ABCA12: variants seen among roughly 807,000 people sequenced by gnomAD.
ABCA12 encodes glucosylceramide transporter ABCA12.
ABCA12 carries 156 observed loss-of-function variants against 293.5 expected under a neutral mutation model. That is an observed-to-expected ratio of 0.53 (90% CI 0.47 to 0.61). The LOEUF is 0.61. Ranked by LOEUF, ABCA12 falls within the 20% of genes least tolerant of loss-of-function variation. The pLI is 0.00. For synonymous variants in ABCA12, 1,063 were observed against 1,108.0 expected, an observed-to-expected ratio of 0.96 and a Z score of 0.81; for missense variants, 2,797 against 3,090.2, an observed-to-expected ratio of 0.91 and a Z score of 2.25.
At chr2:215,089,794 G>A (rs1702105069) in intron 2 of ABCA12, among the ~76,000 whole-genome samples, 1 of 152,154 alleles carries the variant, frequency 6.6e-6, no homozygotes, top group African/African-American at 2.4e-5. Flanking sequence ...AAGAACCATT[G>A]ATTTCCTTTT....
At chr2:214,944,830 C>CTA (rs937709839) in intron 49 of ABCA12, among the ~76,000 whole-genome samples, 171 bp downstream of exon 49, 7 of 151,032 alleles carry the variant, frequency 4.6e-5, no homozygotes, top group South Asian at 2.1e-4. Context: ...CATTCGTTGT[C>CTA]TATATATATA....
rs998370954 is a variant in ABCA12 at position 214,989,264 on chromosome 2, T to C, written c.3829+65A>G. Reference sequence around the variant, plus strand: ...TTTGCAAATAAAATATTAGAACATATTATTAGTTGATTTATATTGAAGTCA... The same window carrying C: ...TTTGCAAATAAAATATTAGAACATACTATTAGTTGATTTATATTGAAGTCA... On this transcript the variant is annotated intron_variant, in intron 26 of 52. Coordinates refer to ENST00000272895, the MANE Select transcript of ABCA12 (RefSeq NM_173076.3). 4.6e-5 allele frequency: 70 copies of C among 1,514,524 alleles called. No homozygotes were observed. The African/African-American group carries it at 9.4e-4, about 20-fold the overall frequency. The allele number at this position is 1,514,524 out of a possible 1,614,324, so 93.8% of individuals were successfully genotyped here.
rs555705093 is a variant in ABCA12 at position 214,970,239 on chromosome 2, A to G, written c.5690+34T>C. 5.1e-6 allele frequency: 8 copies of G among 1,582,806 alleles called. No homozygotes were observed. The African/African-American group carries it at 1.1e-4, about 21-fold the overall frequency. The stretch of plus-strand genomic sequence containing the variant: ...AAGGCAGCTACCATTAAAATTAGCA[A>G]GCAATTAAATATGTTATAAACAGAT... On this transcript the variant is annotated intron_variant, in intron 37 of 52. Coordinates refer to ENST00000272895, the MANE Select transcript of ABCA12 (RefSeq NM_173076.3).
intron 45 of ABCA12, among the ~76,000 whole-genome samples, chr2:214,949,908 C>T (rs1698700929): frequency 6.6e-6 from 1 of 152,142 alleles, no homozygotes; most frequent in South Asian, 2.1e-4. Context: ...CGGGAAGACT[C>T]ATAGGGTAAA....
At chr2:214,975,002 G>C (rs1333278200) in intron 34 of ABCA12, 138 bp from the exon 35 acceptor site, 16 of 776,502 alleles carry the variant, frequency 2.1e-5, no homozygotes, top group Non-Finnish European at 3.2e-5. Context: ...TTGCCGTGTT[G>C]CCCAGGCTGG....
At chr2:215,048,662 C>A (rs1367214026) in intron 6 of ABCA12, among the ~76,000 whole-genome samples, 1 of 152,128 alleles carries the variant, frequency 6.6e-6, no homozygotes, top group Non-Finnish European at 1.5e-5. Flanking sequence ...GAGATAGCAC[C>A]TTTGCCCTCC....
intron 8 of ABCA12, among the ~76,000 whole-genome samples, chr2:215,034,210 C>T (rs1575000068): frequency 6.6e-6 from 1 of 152,134 alleles, no homozygotes; most frequent in South Asian, 2.1e-4. Flanking sequence ...AACTGTGTAG[C>T]AAGGATCCTA....
At position 215,052,384 on chromosome 2, in the gene ABCA12, T is replaced by A. The variant is rs1007173160; in HGVS notation, c.507+103A>T. 4.2e-6 allele frequency: 4 copies of A among 963,082 alleles called. No homozygotes were observed. In the Admixed American group the frequency reaches 7.6e-5, roughly 18 times the overall value. 59.7% of individuals were successfully genotyped at this position (963,082 alleles called of 1,614,324 possible). On this transcript the variant is annotated intron_variant, in intron 5 of 52. Transcript: ENST00000272895. ...AAGTTGCCTGAGATATTACCCTAAA[T>A]AGGAAAGGTGCTCCAAACATCTTGC...
intron 4 of ABCA12, among the ~76,000 whole-genome samples, chr2:215,053,075 T>C (rs1445962358): frequency 6.6e-6 from 1 of 152,136 alleles, no homozygotes; most frequent in East Asian, 1.9e-4. Flanking sequence ...AAGTGGTTTC[T>C]GAATGATATT....
At chr2:215,097,962 T>C (rs113159000) in intron 2 of ABCA12, among the ~76,000 whole-genome samples, 4,994 of 152,260 alleles carry the variant, frequency 0.033, 138 homozygotes, top group African/African-American at 0.075. Flanking sequence ...TAATTTTTTT[T>C]CCCTGATTTT....
At chr2:214,971,087 C>G (rs1468494175) in intron 36 of ABCA12, among the ~76,000 whole-genome samples, 1 of 152,028 alleles carries the variant, frequency 6.6e-6, no homozygotes, top group Non-Finnish European at 1.5e-5. Flanking sequence ...TATATTTATG[C>G]CTGTAACTTT....
intron 23 of ABCA12, among the ~76,000 whole-genome samples, chr2:214,992,632 C>T (rs1400564562): frequency 6.8e-6 from 1 of 146,490 alleles, no homozygotes; most frequent in African/African-American, 2.5e-5. Context: ...GAGTCTGAGG[C>T]AAGCGGATCA....
chr2:214,940,112 G>A (rs1396797369), intron 50 of ABCA12, among the ~76,000 whole-genome samples: 1 of 152,076 alleles, frequency 6.6e-6, no homozygotes, highest in Non-Finnish European at 1.5e-5. Flanking sequence ...GTCATAAATA[G>A]CTCTCATTAT....
chr2:215,059,407 C>A (rs1701484307), intron 3 of ABCA12, among the ~76,000 whole-genome samples: 1 of 152,034 alleles, frequency 6.6e-6, no homozygotes, highest in African/African-American at 2.4e-5. Context: ...TCCTGACCCT[C>A]ATTCCCTAAG....
chr2:215,071,344 G>C (rs1372873661), intron 2 of ABCA12, among the ~76,000 whole-genome samples: 3 of 151,526 alleles, frequency 2.0e-5, no homozygotes, highest in African/African-American at 7.3e-5. Flanking sequence ...GGCAGGGTGA[G>C]GGTTTATGCC....
chr2:215,110,367 C>T (rs1238625775), intron 2 of ABCA12, among the ~76,000 whole-genome samples: 1 of 152,058 alleles, frequency 6.6e-6, no homozygotes, highest in Non-Finnish European at 1.5e-5. Context: ...AAAAATTAGC[C>T]AGGCGTGGTG....
intron 4 of ABCA12, among the ~76,000 whole-genome samples, chr2:215,052,889 G>A (rs564018295): frequency 2.4e-4 from 37 of 152,110 alleles, no homozygotes; most frequent in East Asian, 1.9e-4. Context: ...CCAATAAACC[G>A]AATCATTTCT....
intron 1 of ABCA12, among the ~76,000 whole-genome samples, chr2:215,112,162 T>C (rs1167355801): frequency 6.6e-6 from 1 of 152,132 alleles, no homozygotes; most frequent in Non-Finnish European, 1.5e-5. Flanking sequence ...AAGTGGGTCA[T>C]GACCCATAAA....
At chr2:215,072,064 A>T (rs992295185) in intron 2 of ABCA12, among the ~76,000 whole-genome samples, 6 of 152,192 alleles carry the variant, frequency 3.9e-5, no homozygotes, top group African/African-American at 1.4e-4. Context: ...GTAGGTGGTA[A>T]TGAGGGCTGA....
Sources: gnomAD v4.1 joint callset for allele counts (sites outside exome capture counted in the v4.1 genomes callset) on GRCh38, gnomAD v4.1.1 for gene constraint, MANE v1.5 for transcripts, NCBI Gene and HGNC (gene_info 2026-07-23, HGNC 2026-07-21) for gene names.